SH3RF1: variants seen among roughly 807,000 people sequenced by gnomAD.
The protein encoded by SH3RF1 is SH3 domain containing ring finger 1, also known as E3 ubiquitin-protein ligase SH3RF1.
SH3RF1 carries 32 observed loss-of-function variants against 74.0 expected under a neutral mutation model. The ratio of observed to expected loss-of-function variants is 0.43; its 90% CI spans 0.33 to 0.58. The LOEUF is 0.58. SH3RF1 is among the 20% of genes least tolerant of loss of function. SH3RF1 has a pLI of 0.05. For missense variants in SH3RF1, 954 were observed against 1,130.9 expected, an observed-to-expected ratio of 0.84 and a Z score of 2.24; for synonymous variants, 396 against 439.6, an observed-to-expected ratio of 0.90 and a Z score of 1.24.
chr4:169,239,407 C>T (rs1413970867), intron 2 of SH3RF1, among the ~76,000 whole-genome samples: 2 of 152,070 alleles, frequency 1.3e-5, no homozygotes, highest in African/African-American at 4.8e-5. Flanking sequence ...AGTTCTGAAT[C>T]ACAAGTGCTG....
intron 4 of SH3RF1, among the ~76,000 whole-genome samples, chr4:169,139,031 A>G (rs539670760): frequency 6.6e-6 from 1 of 152,328 alleles, no homozygotes; most frequent in East Asian, 1.9e-4. Flanking sequence ...TGCTCAGTGC[A>G]GCCTCGAACT....
intron 2 of SH3RF1, among the ~76,000 whole-genome samples, chr4:169,227,476 C>A (rs983737902): frequency 2.0e-5 from 3 of 152,176 alleles, no homozygotes; most frequent in African/African-American, 7.2e-5. Flanking sequence ...GTTGTCTTAA[C>A]AGGTATCAGG....
At chr4:169,258,840 G>A (rs1731230552) in intron 2 of SH3RF1, among the ~76,000 whole-genome samples, 1 of 152,046 alleles carries the variant, frequency 6.6e-6, no homozygotes, top group Non-Finnish European at 1.5e-5. Flanking sequence ...ATATAATTAG[G>A]AATGTAAGAA....
chr4:169,216,018 G>A (rs1275655191), intron 2 of SH3RF1, among the ~76,000 whole-genome samples: 1 of 152,062 alleles, frequency 6.6e-6, no homozygotes, highest in Non-Finnish European at 1.5e-5. Flanking sequence ...TGCCCAGGCT[G>A]GTCTTGAACT....
At chr4:169,217,843 T>C (rs1730491963) in intron 2 of SH3RF1, among the ~76,000 whole-genome samples, 1 of 152,138 alleles carries the variant, frequency 6.6e-6, no homozygotes, top group Non-Finnish European at 1.5e-5. Context: ...TTAAGTCTTA[T>C]GCACATTTTA....
At chr4:169,116,210 TA>T in intron 10 of SH3RF1, 58 bp downstream of exon 10, 1 of 1,537,518 alleles carries the variant, frequency 6.5e-7, no homozygotes, top group South Asian at 1.3e-5. Context: ...AGACACAACA[TA>T]AGAAGAAAAA....
rs756918606 is a variant in SH3RF1 at position 169,153,544 on chromosome 4, G to GC, written c.765+1935_765+1936insG. On this transcript the variant is annotated intron_variant, in intron 4 of 11. Coordinates refer to ENST00000284637, the MANE Select transcript of SH3RF1 (RefSeq NM_020870.4). ...CTATAGTTTGCTTTACCACAGCTAAGAATGCCCTGTAAGACAATCGACATT... is the reference window on the plus strand; with the variant it reads ...CTATAGTTTGCTTTACCACAGCTAAGCAATGCCCTGTAAGACAATCGACATT... Among the ~76,000 whole-genome samples the GC allele has an allele frequency of 8.5e-5, 13 of 152,246 alleles. 1 individual carries two copies. In the South Asian group the frequency reaches 1.5e-3, roughly 17 times the overall value.
At chr4:169,223,667 C>G (rs1251069664) in intron 2 of SH3RF1, among the ~76,000 whole-genome samples, 1 of 152,140 alleles carries the variant, frequency 6.6e-6, no homozygotes, top group Non-Finnish European at 1.5e-5. Context: ...TCTAAAGGAG[C>G]TTACTTTCTA....
At chr4:169,162,450 C>A (rs1389155446) in intron 2 of SH3RF1, among the ~76,000 whole-genome samples, 2 of 152,128 alleles carry the variant, frequency 1.3e-5, no homozygotes, top group African/African-American at 4.8e-5. Flanking sequence ...CCCATAATTC[C>A]ACAATAGTCC....
intron 2 of SH3RF1, among the ~76,000 whole-genome samples, chr4:169,177,618 G>A (rs1040554500): frequency 6.6e-6 from 1 of 152,156 alleles, no homozygotes; most frequent in Non-Finnish European, 1.5e-5. Flanking sequence ...AACTATGTTA[G>A]ATGTTAGTTT....
Position 169,094,634 on chromosome 4 carries a change from T to C in SH3RF1, c.*1885A>G, listed in dbSNP as rs548524884. The C allele has an allele frequency of 1.3e-5, 2 of 152,516 alleles. No individual in the cohort carries two copies. Among genetic ancestry groups the C allele is most frequent in the Admixed American group, 6.5e-5 (1 of 15,298 alleles). The allele number at this position is 152,516 out of a possible 1,614,324, so 9.4% of individuals were successfully genotyped here. A position where few individuals can be genotyped will look rare whatever the true frequency, so the allele number is the denominator to read the frequency against. ...CCAAAATAAAGAATATTATGACACA[T>C]TGGTGTCAACTTACACAGATGAAAG... On this transcript the variant is annotated 3_prime_UTR_variant, in exon 12 of 12. Transcript: ENST00000284637.
chr4:169,206,765 C>T (rs1730271045), intron 2 of SH3RF1, among the ~76,000 whole-genome samples: 1 of 152,102 alleles, frequency 6.6e-6, no homozygotes, highest in East Asian at 1.9e-4. Flanking sequence ...TGACATGTAG[C>T]GTTGCATTCA....
At chr4:169,246,161 G>A (rs778789830) in intron 2 of SH3RF1, among the ~76,000 whole-genome samples, 1 of 152,196 alleles carries the variant, frequency 6.6e-6, no homozygotes, top group Non-Finnish European at 1.5e-5. Context: ...ACTATGCAAG[G>A]TGTTACTTCG....
At chr4:169,190,077 G>A (rs939843115) in intron 2 of SH3RF1, among the ~76,000 whole-genome samples, 1 of 152,152 alleles carries the variant, frequency 6.6e-6, no homozygotes, top group Non-Finnish European at 1.5e-5. Context: ...GCAAAAGGCA[G>A]TGCCAAGAGG....
At chr4:169,268,333 T>G (rs903250439) in intron 2 of SH3RF1, among the ~76,000 whole-genome samples, 3 of 152,210 alleles carry the variant, frequency 2.0e-5, no homozygotes, top group Non-Finnish European at 4.4e-5. Context: ...ACGAGTAAAT[T>G]CTGTGCTGTG....
chr4:169,096,642 A>C lies in SH3RF1; in HGVS notation c.2544T>G (p.Leu848=). 6.2e-7 allele frequency: 1 copy of C among 1,614,134 alleles called. No homozygotes were observed. Among genetic ancestry groups the C allele is most frequent in the Non-Finnish European group, 8.5e-7 (1 of 1,180,008 alleles). The change falls in exon 12 of 12, where the codon CTT becomes CTG. Residue 848 remains leucine (L), a synonymous_variant. Coordinates refer to ENST00000284637, the MANE Select transcript of SH3RF1 (RefSeq NM_020870.4). ...ACACAATATCTCCTTCTTTAAGTTC[A>C]AGTTCTGCCTCACTCTGAGGAGGAT... ...VSYPPQSEAE[L]ELKEGDIVFV... is the part of the protein sequence containing the mutation.
At chr4:169,158,373 G>A (rs1561039907) in intron 2 of SH3RF1, among the ~76,000 whole-genome samples, 1 of 152,206 alleles carries the variant, frequency 6.6e-6, no homozygotes, top group Non-Finnish European at 1.5e-5. Context: ...GAGGTAAGAA[G>A]TCACATGTGC....
chr4:169,125,434 G>A lies in SH3RF1; in HGVS notation c.1180-3168C>T, dbSNP rs115578411. Among the ~76,000 whole-genome samples the A allele has an allele frequency of 2.9e-3, 439 of 152,172 alleles. 4 individuals carry two copies. The highest frequency in any genetic ancestry group is 0.01 in the African/African-American group (427 of 41,524). On this transcript the variant is annotated intron_variant, in intron 6 of 11. Transcript: ENST00000284637. Reference sequence around the variant, plus strand: ...CTCTGCTTGCCCTTTCATGCAACCCGCCCAGGTAGTGATTGGATCTTAGGA... The same window carrying A: ...CTCTGCTTGCCCTTTCATGCAACCCACCCAGGTAGTGATTGGATCTTAGGA...
chr4:169,245,806 G>A (rs947286731), intron 2 of SH3RF1, among the ~76,000 whole-genome samples: 2 of 152,172 alleles, frequency 1.3e-5, no homozygotes, highest in Non-Finnish European at 1.5e-5. Context: ...AATTTTTAAT[G>A]TTACCAGAAA....
Sources: allele counts gnomAD v4.1 joint callset (sites outside exome capture counted in the v4.1 genomes callset), GRCh38; gene constraint gnomAD v4.1.1; transcripts MANE v1.5; gene names NCBI Gene and HGNC (gene_info 2026-07-23, HGNC 2026-07-21).